The following SBF2 variants were observed in gnomAD, a reference collection of about 807,000 sequenced individuals.
The protein encoded by SBF2 is SET binding factor 2.
SBF2 carries 112 observed loss-of-function variants against 225.2 expected under a neutral mutation model. That is an observed-to-expected ratio of 0.50 (90% CI 0.43 to 0.58). The LOEUF (loss-of-function observed/expected upper bound fraction) is 0.58. Among genes scored for constraint, SBF2 ranks in the 20% least tolerant of loss-of-function variants. SBF2 has a pLI of 0.00. For synonymous variants in SBF2, 763 were observed against 773.3 expected (o/e 0.99, Z 0.22); for missense variants, 1,996 against 2,206.2 (o/e 0.90, Z 1.91).
At chr11:10,274,145 A>C (rs1962766514) in intron 1 of SBF2, among the ~76,000 whole-genome samples, 1 of 152,258 alleles carries the variant, frequency 6.6e-6, no homozygotes, top group African/African-American at 2.4e-5. Context: ...GAATGTTAAG[A>C]AAAAGTGGCA....
At chr11:10,288,346 A>G (rs1963935119) in intron 1 of SBF2, among the ~76,000 whole-genome samples, 1 of 152,196 alleles carries the variant, frequency 6.6e-6, no homozygotes, top group Non-Finnish European at 1.5e-5. Context: ...TGAGCAATAG[A>G]ACAGCTCAAA....
chr11:10,003,530 G>A (rs1441207634), intron 6 of SBF2, among the ~76,000 whole-genome samples: 1 of 151,896 alleles, frequency 6.6e-6, no homozygotes, highest in Non-Finnish European at 1.5e-5. Context: ...ACCATGCCCA[G>A]CTAATTTTTT....
intron 15 of SBF2, 80 bp from the exon 16 acceptor site, chr11:9,962,186 C>G: frequency 7.8e-7 from 1 of 1,281,632 alleles, no homozygotes. Context: ...CCTGAAAATT[C>G]AAACGCATCC....
At chr11:9,915,859 T>C (rs767914145) in intron 16 of SBF2, among the ~76,000 whole-genome samples, 3 of 152,092 alleles carry the variant, frequency 2.0e-5, no homozygotes, top group Non-Finnish European at 2.9e-5. Flanking sequence ...GGTCCAAGAG[T>C]TCGAGACCAG....
chr11:10,297,547 A>G (rs946438069), upstream of SBF2, among the ~76,000 whole-genome samples: 2 of 152,098 alleles, frequency 1.3e-5, no homozygotes, highest in African/African-American at 4.8e-5. Flanking sequence ...TTTTGAGTTA[A>G]TTTTGTAGTG....
chr11:10,006,271 C>A (rs961759867), intron 6 of SBF2, among the ~76,000 whole-genome samples: 3 of 152,196 alleles, frequency 2.0e-5, no homozygotes, highest in Non-Finnish European at 4.4e-5. Context: ...AAAACATGGG[C>A]TCCCTTGTGG....
At chr11:10,272,766 A>AAATAAT (rs140871661) in intron 1 of SBF2, among the ~76,000 whole-genome samples, 39 of 144,480 alleles carry the variant, frequency 2.7e-4, no homozygotes, top group African/African-American at 7.6e-4. Flanking sequence ...CCTTGTCTTA[A>AAATAAT]AATAATAATA....
intron 33 of SBF2, among the ~76,000 whole-genome samples, chr11:9,795,490 T>G (rs924321992): frequency 1.3e-5 from 2 of 152,198 alleles, no homozygotes; most frequent in African/African-American, 4.8e-5. Context: ...TTAGCTGTAT[T>G]CAAGCTGCCT....
chr11:9,842,138 T>C (rs556607542), intron 25 of SBF2, among the ~76,000 whole-genome samples: 16 of 152,316 alleles, frequency 1.1e-4, no homozygotes, highest in Admixed American at 2.6e-4. Flanking sequence ...AGAGATATTG[T>C]AGCTGTTCTT....
chr11:9,818,408 C>T (rs1590151728), intron 28 of SBF2, among the ~76,000 whole-genome samples: 1 of 152,302 alleles, frequency 6.6e-6, no homozygotes, highest in East Asian at 1.9e-4. Flanking sequence ...TACTAATTCT[C>T]AAATTTGACT....
At chr11:9,899,369 T>C (rs1861535715) in intron 16 of SBF2, among the ~76,000 whole-genome samples, 1 of 149,708 alleles carries the variant, frequency 6.7e-6, no homozygotes, top group Non-Finnish European at 1.5e-5. Flanking sequence ...CCAGGTATGA[T>C]GGTGCATGCA....
chr11:9,789,680 C>T (rs1162350695), intron 34 of SBF2, among the ~76,000 whole-genome samples: 2 of 152,100 alleles, frequency 1.3e-5, no homozygotes, highest in Non-Finnish European at 2.9e-5. Flanking sequence ...CTTCTCCACC[C>T]ACCCCTATCT....
intron 6 of SBF2, among the ~76,000 whole-genome samples, chr11:10,023,671 A>G (rs1336860781): frequency 6.6e-6 from 1 of 152,130 alleles, no homozygotes; most frequent in East Asian, 1.9e-4. Context: ...TGTTTCCAAG[A>G]TTCACCCAGG....
Position 9,989,646 on chromosome 11 carries a change from T to G in SBF2, c.1297-51A>C, listed in dbSNP as rs1445341845. ...ACATCAATTCCAAAATATGCCAAAT[T>G]CAAAAACTGTGATAATTTCATACAA... On this transcript the variant is annotated intron_variant, in intron 12 of 39. Coordinates refer to ENST00000256190, the MANE Select transcript of SBF2 (RefSeq NM_030962.4). 5.7e-6 allele frequency: 6 copies of G among 1,057,386 alleles called. No individual in the cohort carries two copies. In the South Asian group the frequency reaches 6.7e-5, roughly 12 times the overall value. The allele number at this position is 1,057,386 out of a possible 1,614,324, so 65.5% of individuals were successfully genotyped here.
intron 26 of SBF2, among the ~76,000 whole-genome samples, chr11:9,836,317 T>C (rs963021887): frequency 2.0e-5 from 3 of 152,286 alleles, no homozygotes; most frequent in South Asian, 2.1e-4. Context: ...TATAGGTCAA[T>C]GGGAATAGGT....
chr11:10,268,051 G>A (rs11825257), intron 1 of SBF2, among the ~76,000 whole-genome samples: 2,356 of 152,174 alleles, frequency 0.015, 47 homozygotes, highest in African/African-American at 0.041. Context: ...AGAAGACCGC[G>A]TAGGACAAGT....
At chr11:10,074,853 T>G (rs956050537) in intron 2 of SBF2, among the ~76,000 whole-genome samples, 1 of 152,226 alleles carries the variant, frequency 6.6e-6, no homozygotes, top group African/African-American at 2.4e-5. Context: ...TAAATACAAT[T>G]TGCTAAATAT....
At chr11:10,015,499 G>A (rs1422855966) in intron 6 of SBF2, among the ~76,000 whole-genome samples, 1 of 152,096 alleles carries the variant, frequency 6.6e-6, no homozygotes, top group African/African-American at 2.4e-5. Flanking sequence ...AGTTGACTAT[G>A]AGCAGTCATA....
chr11:10,172,674 T>G (rs1017933489), intron 2 of SBF2, among the ~76,000 whole-genome samples: 9 of 151,994 alleles, frequency 5.9e-5, no homozygotes, highest in Admixed American at 4.6e-4. Context: ...AAATTTCTTT[T>G]CTTTTTTTTT....
Sources: allele counts gnomAD v4.1 joint callset (sites outside exome capture counted in the v4.1 genomes callset), GRCh38; gene constraint gnomAD v4.1.1; transcripts MANE v1.5; gene names NCBI Gene and HGNC (gene_info 2026-07-23, HGNC 2026-07-21).